The following KHDRBS3 variants were observed in gnomAD, a reference collection of about 807,000 sequenced individuals.
The protein encoded by KHDRBS3 is KH domain-containing, RNA-binding, signal transduction-associated protein 3.
KHDRBS3 carries 23 observed loss-of-function variants against 45.6 expected under a neutral mutation model. The observed-to-expected ratio is 0.50, with a 90% CI of 0.36 to 0.72. The LOEUF (loss-of-function observed/expected upper bound fraction) is 0.72, where lower values mean the gene tolerates loss of function less well. Ranked by LOEUF, KHDRBS3 falls within the 30% of genes least tolerant of loss-of-function variation. The pLI is 0.00. For synonymous variants in KHDRBS3, 162 were observed against 156.5 expected (o/e 1.04, Z -0.26); for missense variants, 352 against 424.8 (o/e 0.83, Z 1.51).
chr8:135,624,535 T>C (rs1830277342), intron 7 of KHDRBS3, among the ~76,000 whole-genome samples: 1 of 152,198 alleles, frequency 6.6e-6, no homozygotes, highest in Admixed American at 6.5e-5. Context: ...CATCCTCTGT[T>C]ATATCCAGGC....
chr8:135,638,200 G>A (rs1830898403), intron 7 of KHDRBS3, among the ~76,000 whole-genome samples: 1 of 152,214 alleles, frequency 6.6e-6, no homozygotes, highest in Admixed American at 6.5e-5. Context: ...GAAACAGCAA[G>A]GCTAGTCTGC....
chr8:135,563,670 C>T (rs1438860246), intron 5 of KHDRBS3, among the ~76,000 whole-genome samples: 1 of 152,238 alleles, frequency 6.6e-6, no homozygotes, highest in African/African-American at 2.4e-5. Context: ...TCTTTCTGAT[C>T]AAGTGTTGAC....
chr8:135,481,980 C>T (rs539771167), intron 1 of KHDRBS3, among the ~76,000 whole-genome samples: 6 of 152,270 alleles, frequency 3.9e-5, no homozygotes, highest in East Asian at 3.9e-4. Context: ...TTCCATTTCC[C>T]GTCCTGGTGT....
At chr8:135,513,789 C>T (rs567436703) in intron 1 of KHDRBS3, among the ~76,000 whole-genome samples, 1 of 152,136 alleles carries the variant, frequency 6.6e-6, no homozygotes, top group South Asian at 2.1e-4. Context: ...CCATGCAGGA[C>T]CTTGGAGTAT....
intron 4 of KHDRBS3, among the ~76,000 whole-genome samples, chr8:135,552,327 C>T (rs1414619758): frequency 6.6e-6 from 1 of 151,966 alleles, no homozygotes; most frequent in African/African-American, 2.4e-5. Context: ...CTCCATGTAC[C>T]TCAGACTGGA....
chr8:135,530,850 T>C (rs1825437720), intron 2 of KHDRBS3, among the ~76,000 whole-genome samples: 1 of 152,352 alleles, frequency 6.6e-6, no homozygotes, highest in South Asian at 2.1e-4. Context: ...TTCTAAATTA[T>C]CATCTATCTC....
At chr8:135,506,130 G>C (rs947692008) in intron 1 of KHDRBS3, among the ~76,000 whole-genome samples, 1 of 152,128 alleles carries the variant, frequency 6.6e-6, no homozygotes, top group African/African-American at 2.4e-5. Context: ...CAAACCTTGA[G>C]TATTCTTAAA....
At position 135,521,375 on chromosome 8, in the gene KHDRBS3, A is replaced by G. The variant is rs935749670; in HGVS notation, c.207+20A>G. 9 of 1,315,594 alleles carry G rather than the reference A, an allele frequency of 6.8e-6. No individual in the cohort carries two copies. The highest frequency in any genetic ancestry group is 3.6e-5 in the South Asian group (3 of 82,204). 81.5% of individuals were successfully genotyped at this position (1,315,594 alleles called of 1,614,324 possible). On this transcript the variant is annotated intron_variant, in intron 2 of 8. Transcript: ENST00000355849. ...CCTAAGGTAAGACAGTGAGGTCTAC[A>G]CTGCAGGTATTTTAACCTGAATCAA...
At chr8:135,491,825 A>G (rs1295236174) in intron 1 of KHDRBS3, among the ~76,000 whole-genome samples, 3 of 152,184 alleles carry the variant, frequency 2.0e-5, no homozygotes, top group Admixed American at 1.3e-4. Flanking sequence ...AAGCAATGGT[A>G]GGTAAAACCT....
At chr8:135,518,463 C>G (rs1443191650) in intron 1 of KHDRBS3, among the ~76,000 whole-genome samples, 1 of 152,066 alleles carries the variant, frequency 6.6e-6, no homozygotes, top group Non-Finnish European at 1.5e-5. Context: ...TGTGAGCCAC[C>G]ACGCCCGGCC....
At chr8:135,512,273 A>G (rs1824326534) in intron 1 of KHDRBS3, among the ~76,000 whole-genome samples, 1 of 152,158 alleles carries the variant, frequency 6.6e-6, no homozygotes, top group South Asian at 2.1e-4. Context: ...TTTCTTTTAA[A>G]AACAATTTAA....
In KHDRBS3 at chr8:135,634,495, A is replaced by C. The variant is rs117035959; in HGVS notation, c.891-10564A>C. On this transcript the variant is annotated intron_variant, in intron 7 of 8. Coordinates refer to ENST00000355849, the MANE Select transcript of KHDRBS3 (RefSeq NM_006558.3). Reference sequence around the variant, plus strand: ...CAATGGAAAATTATGTAAATATTCCAATTATTGTCAAATGAATGTGATTTT... The same window carrying C: ...CAATGGAAAATTATGTAAATATTCCCATTATTGTCAAATGAATGTGATTTT... 8.5e-4 allele frequency among the ~76,000 whole-genome samples: 130 copies of C among 152,352 alleles called. 1 individual carries two copies. The East Asian group carries it at 0.022, about 26-fold the overall frequency.
At chr8:135,502,876 A>T (rs1420819203) in intron 1 of KHDRBS3, among the ~76,000 whole-genome samples, 1 of 152,198 alleles carries the variant, frequency 6.6e-6, no homozygotes, top group Non-Finnish European at 1.5e-5. Context: ...TTCTAGATGT[A>T]TTCTGTAGTA....
chr8:135,459,484 T>C (rs1190299131), intron 1 of KHDRBS3, among the ~76,000 whole-genome samples: 1 of 152,230 alleles, frequency 6.6e-6, no homozygotes, highest in Non-Finnish European at 1.5e-5. Context: ...AGTTCTGCAG[T>C]TGAGTTTGTA....
intron 6 of KHDRBS3, 119 bp downstream of exon 6, chr8:135,582,192 T>G: frequency 1.0e-6 from 1 of 1,001,570 alleles, no homozygotes. Flanking sequence ...GTATTCTACT[T>G]TGTTTCAGCA....
chr8:135,509,431 G>A (rs1231760572), intron 1 of KHDRBS3, among the ~76,000 whole-genome samples: 2 of 152,180 alleles, frequency 1.3e-5, no homozygotes, highest in African/African-American at 4.8e-5. Flanking sequence ...AAAGCCTCCA[G>A]TATAGAGTCT....
At chr8:135,605,120 A>T in intron 6 of KHDRBS3, among the ~76,000 whole-genome samples, 1 of 151,988 alleles carries the variant, frequency 6.6e-6, no homozygotes, top group Non-Finnish European at 1.5e-5. Flanking sequence ...TGAGTCTCTG[A>T]GTTTATCCTT....
At chr8:135,576,548 A>C (rs994514936) in intron 5 of KHDRBS3, among the ~76,000 whole-genome samples, 6 of 151,498 alleles carry the variant, frequency 4.0e-5, no homozygotes, top group Non-Finnish European at 8.8e-5. Context: ...ACACATGCCC[A>C]TAATTTGAGG....
chr8:135,559,657 G>A (rs74618562), intron 5 of KHDRBS3, among the ~76,000 whole-genome samples: 7,262 of 152,138 alleles, frequency 0.048, 269 homozygotes, highest in East Asian at 0.18. Context: ...CACCATGCCC[G>A]GCCAACAAAA....
Sources: gnomAD v4.1 joint callset for allele counts (sites outside exome capture counted in the v4.1 genomes callset) on GRCh38, gnomAD v4.1.1 for gene constraint, MANE v1.5 for transcripts, NCBI Gene and HGNC (gene_info 2026-07-23, HGNC 2026-07-21) for gene names.